STRBP: variants seen among roughly 807,000 people sequenced by gnomAD.
STRBP encodes the protein spermatid perinuclear RNA-binding protein.
A neutral mutation model predicts 80.1 loss-of-function variants in STRBP; 13 were observed. That is an observed-to-expected ratio of 0.16 (90% CI 0.11 to 0.26). STRBP has a LOEUF of 0.26. Ranked by LOEUF, STRBP falls within the 10% of genes least tolerant of loss-of-function variation. The pLI is 1.00. For missense variants in STRBP, 485 were observed against 815.2 expected, an observed-to-expected ratio of 0.59 and a Z score of 4.93; for synonymous variants, 284 against 291.2, an observed-to-expected ratio of 0.98 and a Z score of 0.25.
intron 1 of STRBP, among the ~76,000 whole-genome samples, chr9:123,244,496 T>C (rs563166857): frequency 6.6e-6 from 1 of 152,296 alleles, no homozygotes; most frequent in South Asian, 2.1e-4. Flanking sequence ...TGTTCAACAA[T>C]TTTCACAAAT....
intron 6 of STRBP, among the ~76,000 whole-genome samples, chr9:123,169,242 C>T (rs1027333081): frequency 6.7e-6 from 1 of 150,204 alleles, no homozygotes; most frequent in African/African-American, 2.5e-5. Flanking sequence ...GATCTCAGCT[C>T]ACTGCAACCT....
At chr9:123,246,865 T>C (rs1588151832) in intron 1 of STRBP, among the ~76,000 whole-genome samples, 1 of 152,280 alleles carries the variant, frequency 6.6e-6, no homozygotes, top group South Asian at 2.1e-4. Flanking sequence ...AATCAAGTAG[T>C]AATGTTATTA....
At chr9:123,223,442 T>C (rs911554731) in intron 2 of STRBP, among the ~76,000 whole-genome samples, 6 of 152,176 alleles carry the variant, frequency 3.9e-5, no homozygotes, top group East Asian at 1.9e-4. Flanking sequence ...GGTGGAATTA[T>C]GAGGTGGGAG....
At chr9:123,173,103 C>T (rs1289672870) in intron 5 of STRBP, among the ~76,000 whole-genome samples, 1 of 152,156 alleles carries the variant, frequency 6.6e-6, no homozygotes, top group Non-Finnish European at 1.5e-5. Context: ...ACCTTCATCC[C>T]TGAGGAGCCT....
chr9:123,233,870 T>C (rs1223914187), intron 2 of STRBP, among the ~76,000 whole-genome samples: 1 of 152,328 alleles, frequency 6.6e-6, no homozygotes, highest in South Asian at 2.1e-4. Flanking sequence ...TCAGTTCACA[T>C]GCTTCTTTTA....
chr9:123,139,421 GTA>G, intron 14 of STRBP, 106 bp downstream of exon 14: 1 of 881,170 alleles, frequency 1.1e-6, no homozygotes, highest in Non-Finnish European at 1.6e-6. Context: ...TGTAATTTAT[GTA>G]CAGGTTTGCA....
At chr9:123,152,225 T>G (rs1056004226) in intron 11 of STRBP, among the ~76,000 whole-genome samples, 17 of 152,010 alleles carry the variant, frequency 1.1e-4, no homozygotes, top group Admixed American at 1.1e-3. Flanking sequence ...AAAGAAAAAC[T>G]AACATCAAAT....
intron 2 of STRBP, among the ~76,000 whole-genome samples, chr9:123,224,160 C>A (rs2040162364): frequency 6.6e-6 from 1 of 152,134 alleles, no homozygotes; most frequent in Non-Finnish European, 1.5e-5. Context: ...CAAGGTGGAG[C>A]CCCATTTTAT....
chr9:123,205,837 A>C (rs562908115), intron 2 of STRBP, among the ~76,000 whole-genome samples: 2 of 152,348 alleles, frequency 1.3e-5, no homozygotes, highest in South Asian at 4.1e-4. Flanking sequence ...GAACAATTCA[A>C]TATCTTTGGC....
At position 123,221,076 on chromosome 9, in the gene STRBP, A is replaced by T. The variant is rs186335785; in HGVS notation, c.-165+15754T>A. On this transcript the variant is annotated intron_variant, in intron 2 of 18. Transcript: ENST00000348403. ...AGAAAGAAAACAACAAAGAATTTTTAAAAAGAGAAAAGGAGGAGCTAAGCT... is the reference window on the plus strand; with the variant it reads ...AGAAAGAAAACAACAAAGAATTTTTTAAAAGAGAAAAGGAGGAGCTAAGCT... Among the ~76,000 whole-genome samples, 509 of 152,234 alleles carry T rather than the reference A, an allele frequency of 3.3e-3. 4 individuals are homozygous for T. Among genetic ancestry groups the T allele is most frequent in the African/African-American group, 0.012 (491 of 41,556 alleles).
intron 8 of STRBP, among the ~76,000 whole-genome samples, 191 bp from the exon 9 acceptor site, chr9:123,159,398 T>G (rs1480758462): frequency 6.6e-6 from 1 of 152,182 alleles, no homozygotes; most frequent in Non-Finnish European, 1.5e-5. Context: ...TCAAGCAATT[T>G]TAAGATCGTA....
intron 17 of STRBP, among the ~76,000 whole-genome samples, chr9:123,131,257 CT>C (rs1423746440): frequency 6.6e-6 from 1 of 152,218 alleles, no homozygotes; most frequent in East Asian, 1.9e-4. Context: ...AAAGTCTGAT[CT>C]TGTCACTATT....
intron 3 of STRBP, chr9:123,112,321 G>A (rs951806092): frequency 3.0e-5 from 5 of 167,258 alleles, no homozygotes; most frequent in Non-Finnish European, 2.9e-5. Flanking sequence ...TGTGATCCTC[G>A]CCTGCCCCGC....
At chr9:123,154,564 G>T (rs2037198469) in intron 11 of STRBP, among the ~76,000 whole-genome samples, 1 of 124,736 alleles carries the variant, frequency 8.0e-6, no homozygotes. Flanking sequence ...GGGTTTGAAA[G>T]AAATAATTAT....
chr9:123,128,353 C>T (rs554891090), intron 17 of STRBP, 95 bp from the exon 18 acceptor site: 31 of 1,379,206 alleles, frequency 2.2e-5, no homozygotes, highest in African/African-American at 2.8e-5. Flanking sequence ...ACCCTGGGCC[C>T]GGAGGACTTC....
chr9:123,148,927 C>G (rs1470655827), intron 11 of STRBP, among the ~76,000 whole-genome samples: 1 of 152,138 alleles, frequency 6.6e-6, no homozygotes, highest in Non-Finnish European at 1.5e-5. Context: ...GATTAATAAT[C>G]AGTTTCTTGG....
chr9:123,226,679 C>T (rs546216254), intron 2 of STRBP, among the ~76,000 whole-genome samples: 9 of 152,016 alleles, frequency 5.9e-5, no homozygotes, highest in Admixed American at 1.3e-4. Flanking sequence ...CTATGTGCCA[C>T]GCACTGTGAC....
chr9:123,234,400 G>A (rs1480947430), intron 2 of STRBP, among the ~76,000 whole-genome samples: 3 of 148,940 alleles, frequency 2.0e-5, no homozygotes, highest in Non-Finnish European at 4.4e-5. Context: ...AGAAAAAACT[G>A]AGAATCACAG....
At chr9:123,192,732 C>T (rs966189648) in intron 2 of STRBP, among the ~76,000 whole-genome samples, 30 of 152,290 alleles carry the variant, frequency 2.0e-4, no homozygotes, top group African/African-American at 7.0e-4. Context: ...AGTTGTTTTA[C>T]TATGTTTTAC....
Sources: gnomAD v4.1 joint callset for allele counts (sites outside exome capture counted in the v4.1 genomes callset) on GRCh38, gnomAD v4.1.1 for gene constraint, MANE v1.5 for transcripts, NCBI Gene and HGNC (gene_info 2026-07-23, HGNC 2026-07-21) for gene names.